TEX46: variants seen among roughly 807,000 people sequenced by gnomAD.
TEX46 encodes the protein testis expressed 46.
Under a neutral mutation model 5.3 loss-of-function variants are expected in TEX46, and 6 were observed. That is an observed-to-expected ratio of 1.13 (90% CI 0.62 to 2.23). The LOEUF (loss-of-function observed/expected upper bound fraction) is 2.23, where lower values mean the gene tolerates loss of function less well. Among genes scored for constraint, TEX46 ranks in the 30% most tolerant of loss-of-function variants. TEX46 has a pLI of 0.00. For synonymous variants in TEX46, 41 were observed against 54.6 expected, an observed-to-expected ratio of 0.75 and a Z score of 1.10; for missense variants, 131 against 150.9, an observed-to-expected ratio of 0.87 and a Z score of 0.69.
chr1:23,011,148 A>G, intron 2 of TEX46, 47 bp from the exon 3 acceptor site: 2 of 1,453,494 alleles, frequency 1.4e-6, no homozygotes, highest in Non-Finnish European at 9.3e-7. Flanking sequence ...TTTTGTGTTC[A>G]CGGCCTTGCT....
chr1:23,015,689 A>T, intron 1 of TEX46, 83 bp downstream of exon 1: 1 of 671,868 alleles, frequency 1.5e-6, no homozygotes, highest in Middle Eastern at 2.9e-4. Context: ...ACATGTTACA[A>T]CATAGATGAA....
rs1641345693 is a variant in TEX46 at position 23,010,995 on chromosome 1, CTGCT to C, written c.268_271del (p.Ser90AspfsTer7). ...TTTTTTCATGGGAAAATTCCGATGTCTGCTTGACCGCCCGTGGTGATTCATTTTA... is the reference window on the plus strand; with the variant it reads ...TTTTTTCATGGGAAAATTCCGATGTCTGACCGCCCGTGGTGATTCATTTTA... On this transcript the variant is annotated frameshift_variant, in exon 3 of 3. Transcript: ENST00000566855. LOFTEE classifies it low-confidence loss of function (END_TRUNC). The C allele has an allele frequency of 6.5e-7, 1 of 1,535,948 alleles. No homozygotes were observed.
intron 1 of TEX46, among the ~76,000 whole-genome samples, chr1:23,015,213 G>A (rs998374787): frequency 4.0e-5 from 6 of 151,226 alleles, no homozygotes; most frequent in African/African-American, 1.5e-4. Context: ...ACTTTGGGAG[G>A]CTGAGGCGGG....
chr1:23,014,937 G>C (rs1026125330), intron 1 of TEX46, among the ~76,000 whole-genome samples: 1 of 151,984 alleles, frequency 6.6e-6, no homozygotes, highest in Non-Finnish European at 1.5e-5. Flanking sequence ...CTGCCTCCCA[G>C]GTTCAAGCGA....
chr1:23,011,206 A>G, intron 2 of TEX46, 105 bp from the exon 3 acceptor site: 1 of 802,290 alleles, frequency 1.2e-6, no homozygotes, highest in South Asian at 1.6e-5. Flanking sequence ...TCCTCCTTTT[A>G]AGCTCCCCAG....
intron 1 of TEX46, 32 bp downstream of exon 1, chr1:23,015,740 A>G (rs1244470287): frequency 1.4e-6 from 1 of 697,308 alleles, no homozygotes; most frequent in Non-Finnish European, 2.6e-6. Flanking sequence ...TCAGTCACAA[A>G]AAAAAAACAA....
intron 1 of TEX46, among the ~76,000 whole-genome samples, chr1:23,015,063 G>A (rs912941460): frequency 2.0e-5 from 3 of 151,958 alleles, no homozygotes; most frequent in Admixed American, 6.5e-5. Flanking sequence ...GGCTGGTCTC[G>A]AACTCCTGAC....
In TEX46 at chr1:23,010,974, T is replaced by C. The variant is rs1323595414; in HGVS notation, c.293A>G (p.Lys98Arg). ...RSSRHRNFPM[K>R]KHRMRRHESI... ...CTCATGCCTCCTCATTCTGTGTTTT[T>C]TCATGGGAAAATTCCGATGTCTGCT... is the stretch of plus-strand genomic sequence containing the variant. Residue 98 changes from lysine (K) to arginine (R), a missense_variant, in exon 3 of 3, where the codon AAA becomes AGA. Lys to Arg is a conservative substitution (Grantham distance 26). Transcript: ENST00000566855. 1 of 1,535,822 alleles carries C rather than the reference T, an allele frequency of 6.5e-7. No individual in the cohort carries two copies. Among genetic ancestry groups the C allele is most frequent in the South Asian group, 1.2e-5 (1 of 84,044 alleles).
chr1:23,015,436 CAAAAAAAAAAA>C (rs61258225), intron 1 of TEX46, among the ~76,000 whole-genome samples: 12 of 27,764 alleles, frequency 4.3e-4, no homozygotes, highest in South Asian at 6.3e-3. Flanking sequence ...GACTCCTTCT[CAAAAAAAAAAA>C]AAAAAAAAAA....
At chr1:23,013,339 A>G (rs996544395) in intron 2 of TEX46, among the ~76,000 whole-genome samples, 1 of 151,392 alleles carries the variant, frequency 6.6e-6, no homozygotes, top group Non-Finnish European at 1.5e-5. Flanking sequence ...CACCCAGCTA[A>G]TTTTTGTATT....
At chr1:23,014,164 A>AGGGGGGGGGGC in intron 1 of TEX46, 119 bp from the exon 2 acceptor site, 1 of 1,307,280 alleles carries the variant, frequency 7.6e-7, no homozygotes, top group Non-Finnish European at 1.0e-6. Context: ...AGTCATAGCC[A>AGGGGGGGGGGC]GCTCCCTCCC....
chr1:23,015,706 G>A (rs978415210), intron 1 of TEX46, 66 bp downstream of exon 1: 27 of 682,686 alleles, frequency 4.0e-5, no homozygotes, highest in Admixed American at 1.5e-4. Flanking sequence ...TGAACCTTGA[G>A]GACATTAAGC....
chr1:23,014,186 G>A, intron 1 of TEX46, 141 bp from the exon 2 acceptor site: 1 of 1,214,872 alleles, frequency 8.2e-7, no homozygotes, highest in Non-Finnish European at 1.0e-6. Context: ...CCACCCAGCT[G>A]CCGCATAACA....
rs1378480682 is a variant in TEX46 at position 23,010,917 on chromosome 1, G to C, written c.350C>G (p.Ser117Trp). 4.6e-6 allele frequency: 7 copies of C among 1,527,982 alleles called. No homozygotes were observed. The South Asian group carries it at 8.3e-5, about 18-fold the overall frequency. The allele number at this position is 1,527,982 out of a possible 1,614,324, so 94.7% of individuals were successfully genotyped here. ...SICPTLSDCT[S>W]SSPS ...TCGGCCTCATTAGCTGGGGGAACTC[G>C]AAGTACAGTCAGACAGGGTGGGGCA... Residue 117 changes from serine (S) to tryptophan (W), a missense_variant, in exon 3 of 3, where the codon TCG becomes TGG. Transcript: ENST00000566855.
At chr1:23,011,137 C>A in intron 2 of TEX46, 36 bp from the exon 3 acceptor site, 1 of 1,499,418 alleles carries the variant, frequency 6.7e-7, no homozygotes, top group African/African-American at 1.4e-5. Context: ...CTATTGACTT[C>A]TTTTGTGTTC....
At chr1:23,013,727 C>T (rs1169551568) in intron 2 of TEX46, among the ~76,000 whole-genome samples, 156 bp downstream of exon 2, 1 of 152,016 alleles carries the variant, frequency 6.6e-6, no homozygotes, top group Non-Finnish European at 1.5e-5. Flanking sequence ...TACCCAGCAC[C>T]ACCTAAGAGG....
intron 2 of TEX46, among the ~76,000 whole-genome samples, chr1:23,011,833 G>A (rs1382746513): frequency 1.3e-5 from 2 of 152,130 alleles, no homozygotes; most frequent in Non-Finnish European, 2.9e-5. Context: ...AGTCACAGTG[G>A]ACATAAAGCC....
intron 2 of TEX46, 119 bp downstream of exon 2, chr1:23,013,764 G>A: frequency 1.1e-6 from 1 of 922,818 alleles, no homozygotes; most frequent in Non-Finnish European, 1.6e-6. Flanking sequence ...GTTTAGACCA[G>A]TCTTGGATTC....
intron 2 of TEX46, among the ~76,000 whole-genome samples, chr1:23,011,857 T>C (rs2124288773): frequency 6.6e-6 from 1 of 152,334 alleles, no homozygotes; most frequent in African/African-American, 2.4e-5. Context: ...AGCCTAAATA[T>C]ATCTATCTCC....
Sources: gnomAD v4.1 joint callset for allele counts (sites outside exome capture counted in the v4.1 genomes callset) on GRCh38, gnomAD v4.1.1 for gene constraint, MANE v1.5 for transcripts, NCBI Gene and HGNC (gene_info 2026-07-23, HGNC 2026-07-21) for gene names.